PLAGL1: variants seen among roughly 807,000 people sequenced by gnomAD.
PLAGL1 encodes the protein PLAG1 like zinc finger 1.
Under a neutral mutation model 4.6 loss-of-function variants are expected in PLAGL1, and 1 was observed. The ratio of observed to expected loss-of-function variants is 0.22; its 90% CI spans 0.08 to 1.03. The LOEUF (loss-of-function observed/expected upper bound fraction) is 1.03, where lower values mean the gene tolerates loss of function less well. Among genes scored for constraint, PLAGL1 ranks in the 50% least tolerant of loss-of-function variants. The pLI is 0.58. For missense variants in PLAGL1, 464 were observed against 570.4 expected (o/e 0.81, Z 1.90); for synonymous variants, 240 against 237.8 (o/e 1.01, Z -0.08).
intron 1 of PLAGL1, among the ~76,000 whole-genome samples, chr6:144,035,821 A>G (rs1414447808): frequency 6.6e-6 from 1 of 152,086 alleles, no homozygotes; most frequent in Non-Finnish European, 1.5e-5. Context: ...ATCATTACTG[A>G]TCTCATATGG....
intron 1 of PLAGL1, among the ~76,000 whole-genome samples, chr6:144,042,485 G>A (rs1797819913): frequency 6.6e-6 from 1 of 152,176 alleles, no homozygotes; most frequent in Non-Finnish European, 1.5e-5. Flanking sequence ...GATGGTTGTA[G>A]ATGTGTGCTG....
intron 1 of PLAGL1, among the ~76,000 whole-genome samples, chr6:143,996,308 CAAG>C (rs1468273546): frequency 2.0e-5 from 3 of 152,128 alleles, no homozygotes; most frequent in African/African-American, 7.2e-5. Flanking sequence ...AAAAGTTGAC[CAAG>C]AAGGCTTCAA....
In PLAGL1 at chr6:143,968,867, G is replaced by C. The variant is rs762652415; in HGVS notation, c.-472+40C>G. ...AGCCATGACTGATGGCAGGAGCACTGGGGGGCAGGAGTTGGAGGGTTCCGC... is the reference window on the plus strand; with the variant it reads ...AGCCATGACTGATGGCAGGAGCACTCGGGGGCAGGAGTTGGAGGGTTCCGC... On this transcript the variant is annotated intron_variant, in intron 3 of 7. Transcript: ENST00000674357. This position sits in a 1 kb window ranked among gnomAD's most constrained non-coding sequence, Gnocchi z 6.3. 18 of 152,302 alleles carry C rather than the reference G, an allele frequency of 1.2e-4. No homozygotes were observed. Among genetic ancestry groups the C allele is most frequent in the African/African-American group, 4.3e-4 (18 of 41,438 alleles). The allele number at this position is 152,302 out of a possible 1,614,324, so 9.4% of individuals were successfully genotyped here.
At chr6:144,060,071 AG>A (rs1799274505) in intron 1 of PLAGL1, among the ~76,000 whole-genome samples, 1 of 151,432 alleles carries the variant, frequency 6.6e-6, no homozygotes, top group East Asian at 1.9e-4. Flanking sequence ...TTTTTTAAAT[AG>A]GGTCTTACTC....
chr6:143,963,589 T>C lies in PLAGL1; in HGVS notation c.-399+1198A>G, dbSNP rs1296170255. ...CTTAGAAGTTATGCTGATTTGCCCA[T>C]GATCCTACAGCCAGCAAGCAGTTAA... is the stretch of plus-strand genomic sequence containing the variant. On this transcript the variant is annotated intron_variant, in intron 5 of 7. Coordinates refer to ENST00000674357, the MANE Select transcript of PLAGL1 (RefSeq NM_001317162.2). The surrounding 1 kb of genome is among the most constrained non-coding windows in gnomAD (Gnocchi z 6.1). 2.6e-5 allele frequency among the ~76,000 whole-genome samples: 4 copies of C among 152,240 alleles called. No individual in the cohort carries two copies. Among genetic ancestry groups the C allele is most frequent in the Non-Finnish European group, 5.9e-5 (4 of 68,048 alleles).
rs1190590394 is a variant in PLAGL1 at position 144,056,579 on chromosome 6, A to G, written c.-151+7889T>C. Among the ~76,000 whole-genome samples, 3 of 152,210 alleles carry G rather than the reference A, an allele frequency of 2.0e-5. No individual in the cohort carries two copies. The highest frequency in any genetic ancestry group is 4.4e-5 in the Non-Finnish European group (3 of 68,046). ...TTCTCTAGAATGTCATACAGTAGGT[A>G]GCCCTTTCAGGTTGGCTTCTTTCAC... On this transcript the variant is annotated intron_variant, in intron 1 of 3. Coordinates refer to the PLAGL1 transcript ENST00000437412. This position sits in a 1 kb window ranked among gnomAD's most constrained non-coding sequence, Gnocchi z 4.7.
intron 1 of PLAGL1, among the ~76,000 whole-genome samples, chr6:144,024,432 C>T (rs1417401926): frequency 7.9e-5 from 12 of 152,112 alleles, no homozygotes; most frequent in Admixed American, 7.2e-4. Context: ...GGGGCAGTTT[C>T]CCCCATACTG....
rs1332555354 is a variant in PLAGL1, at chr6:143,955,123, A to G, written c.-325+5346T>C. Among the ~76,000 whole-genome samples, 3 of 152,230 alleles carry G rather than the reference A, an allele frequency of 2.0e-5. No homozygotes were observed. The highest frequency in any genetic ancestry group is 4.1e-4 in the South Asian group (2 of 4,826). The stretch of plus-strand genomic sequence containing the variant: ...AAACAGATAAATAGAAGTGAAAATC[A>G]TTACTAAAACTTGAGGTGGTGGTTG... On this transcript the variant is annotated intron_variant, in intron 6 of 7. Transcript: ENST00000674357. The surrounding 1 kb of genome is among the most constrained non-coding windows in gnomAD (Gnocchi z 4.9).
chr6:144,006,430 C>A lies in PLAGL1; in HGVS notation c.-584+1660G>T. Reference sequence around the variant, plus strand: ...TTCCAGCATCTCTGAGCCCCTGACCCTCTCCTCCCCACTAGGAGATGACCA... The same window carrying A: ...TTCCAGCATCTCTGAGCCCCTGACCATCTCCTCCCCACTAGGAGATGACCA... On this transcript the variant is annotated intron_variant, in intron 1 of 7. Coordinates refer to ENST00000674357, the MANE Select transcript of PLAGL1 (RefSeq NM_001317162.2). This position sits in a 1 kb window ranked among gnomAD's most constrained non-coding sequence, Gnocchi z 4.3. The A allele has an allele frequency of 6.6e-6, 1 of 152,362 alleles. No homozygotes were observed. The highest frequency in any genetic ancestry group is 1.5e-5 in the Non-Finnish European group (1 of 68,072). 9.4% of individuals were successfully genotyped at this position (152,362 alleles called of 1,614,324 possible).
intron 2 of PLAGL1, among the ~76,000 whole-genome samples, chr6:143,981,181 C>T (rs1048305241): frequency 8.2e-5 from 12 of 146,670 alleles, no homozygotes; most frequent in South Asian, 2.1e-4. Context: ...TTTGCCTCAT[C>T]GCTGAAGCAT....
rs907701527 is a variant in PLAGL1 at position 143,945,486 on chromosome 6, C to T, written c.152+2499G>A. Among the ~76,000 whole-genome samples the T allele has an allele frequency of 6.6e-6, 1 of 152,138 alleles. No homozygotes were observed. The highest frequency in any genetic ancestry group is 1.5e-5 in the Non-Finnish European group (1 of 68,010). ...CCTTCAACCTCTGTTGCCTCATCAT[C>T]CTTTTTTTGAGATGCAGTCCCACCC... On this transcript the variant is annotated intron_variant, in intron 7 of 7. Transcript: ENST00000674357. This position sits in a 1 kb window ranked among gnomAD's most constrained non-coding sequence, Gnocchi z 4.2.
chr6:144,019,790 TA>T (rs112007022), intron 1 of PLAGL1, among the ~76,000 whole-genome samples: 4 of 144,244 alleles, frequency 2.8e-5, no homozygotes, highest in Non-Finnish European at 3.0e-5. Flanking sequence ...AAAAGTTACT[TA>T]AAAAAAAAAA....
In PLAGL1 at chr6:143,945,988, G is replaced by GACTT. The variant is rs1256440497; in HGVS notation, c.152+1993_152+1996dup. On this transcript the variant is annotated intron_variant, in intron 7 of 7. Transcript: ENST00000674357. The surrounding 1 kb of genome is among the most constrained non-coding windows in gnomAD (Gnocchi z 4.2). The stretch of plus-strand genomic sequence containing the variant: ...CTAAGAACAACTACCTTCTAAACAT[G>GACTT]ACTTAAGACTTCTTTTTCAGCGCAG... Among the ~76,000 whole-genome samples the GACTT allele has an allele frequency of 1.3e-5, 2 of 152,070 alleles. No homozygotes were observed. Among genetic ancestry groups the GACTT allele is most frequent in the African/African-American group, 4.8e-5 (2 of 41,380 alleles).
rs1194603164 is a variant in PLAGL1 at position 143,982,957 on chromosome 6, T to C, written c.-544+2178A>G. Among the ~76,000 whole-genome samples the C allele has an allele frequency of 6.6e-6, 1 of 152,130 alleles. No homozygotes were observed. Among genetic ancestry groups the C allele is most frequent in the Non-Finnish European group, 1.5e-5 (1 of 68,014 alleles). ...GAGAAGAGGTCCATACTGGAGACAA[T>C]TTAGTAGCTGCCAGCATATATGTAT... On this transcript the variant is annotated intron_variant, in intron 2 of 7. Transcript: ENST00000674357. This position sits in a 1 kb window ranked among gnomAD's most constrained non-coding sequence, Gnocchi z 5.3.
intron 1 of PLAGL1, among the ~76,000 whole-genome samples, chr6:143,987,916 T>C (rs1789573252): frequency 6.6e-6 from 1 of 152,216 alleles, no homozygotes; most frequent in African/African-American, 2.4e-5. Flanking sequence ...CCAATTCTTC[T>C]CCCAGGGAAA....
At chr6:144,035,767 G>C (rs555473838) in intron 1 of PLAGL1, among the ~76,000 whole-genome samples, 1 of 151,792 alleles carries the variant, frequency 6.6e-6, no homozygotes, top group East Asian at 1.9e-4. Context: ...TCTTCTTTTT[G>C]CCTCTAGATA....
At chr6:143,974,983 T>C (rs1306694587) in intron 2 of PLAGL1, among the ~76,000 whole-genome samples, 1 of 152,228 alleles carries the variant, frequency 6.6e-6, no homozygotes, top group African/African-American at 2.4e-5. Context: ...TACAAAACAC[T>C]GAGAAACATT....
intron 1 of PLAGL1, among the ~76,000 whole-genome samples, chr6:143,991,127 T>C (rs568038456): frequency 6.6e-6 from 1 of 152,378 alleles, no homozygotes; most frequent in East Asian, 1.9e-4. Flanking sequence ...TGTCCCATTA[T>C]GTCCACAAGG....
chr6:143,946,540 ATATG>A (rs1779839953), intron 7 of PLAGL1, among the ~76,000 whole-genome samples: 1 of 152,256 alleles, frequency 6.6e-6, no homozygotes, highest in South Asian at 2.1e-4. Context: ...GAATTTTAAA[ATATG>A]TAAGCATTTG....
Sources: gnomAD v4.1 joint callset for allele counts (sites outside exome capture counted in the v4.1 genomes callset) on GRCh38, gnomAD v4.1.1 for gene constraint, Gnocchi (gnomAD v3.1) non-coding constraint, MANE v1.5 for transcripts, NCBI Gene and HGNC (gene_info 2026-07-23, HGNC 2026-07-21) for gene names.